The following CCT3 variants were observed in gnomAD, a reference collection of about 807,000 sequenced individuals.
The protein encoded by CCT3 is chaperonin containing TCP1 subunit 3.
A neutral mutation model predicts 65.3 loss-of-function variants in CCT3; 10 were observed. The observed-to-expected ratio is 0.15, with a 90% CI of 0.09 to 0.26. The LOEUF (loss-of-function observed/expected upper bound fraction) is 0.26. Among genes scored for constraint, CCT3 ranks in the 10% least tolerant of loss-of-function variants. The pLI is 1.00. For synonymous variants in CCT3, 225 were observed against 242.3 expected (o/e 0.93, Z 0.66); for missense variants, 626 against 708.7 (o/e 0.88, Z 1.33).
chr1:156,317,608 C>G (rs1482170835), intron 8 of CCT3, 61 bp from the exon 9 acceptor site: 6 of 1,514,276 alleles, frequency 4.0e-6, no homozygotes, highest in Non-Finnish European at 5.4e-6. Context: ...CTCTAAGGGT[C>G]ATATTATACT....
chr1:156,315,612 T>A (rs1391007539), intron 10 of CCT3, among the ~76,000 whole-genome samples: 1 of 152,200 alleles, frequency 6.6e-6, no homozygotes, highest in Non-Finnish European at 1.5e-5. Flanking sequence ...ATTGTGTTAT[T>A]GGTAAGGGTT....
chr1:156,311,530 A>G lies in CCT3; in HGVS notation c.1156-335T>C, dbSNP rs551610015. On this transcript the variant is annotated intron_variant, in intron 11 of 13. Transcript: ENST00000295688. ...AAATAAACAGCATGTATCTTGATAG[A>G]TAAGAGCCATAACCTATTCCACCCC... Among the ~76,000 whole-genome samples, 12 of 152,304 alleles carry G rather than the reference A, an allele frequency of 7.9e-5. No homozygotes were observed. The South Asian group carries it at 2.1e-3, about 26-fold the overall frequency.
intron 6 of CCT3, among the ~76,000 whole-genome samples, chr1:156,321,659 A>G (rs1358564417): frequency 2.0e-5 from 3 of 152,104 alleles, no homozygotes; most frequent in Non-Finnish European, 4.4e-5. Context: ...AGATCACTTG[A>G]GGTCAGGAGT....
chr1:156,325,172 C>A, intron 5 of CCT3, 83 bp from the exon 6 acceptor site: 1 of 996,230 alleles, frequency 1.0e-6, no homozygotes, highest in Non-Finnish European at 1.6e-6. Context: ...CCAAAAAATA[C>A]TCTCCTAAAT....
Position 156,309,324 on chromosome 1 carries a change from G to A in CCT3, c.1534-21C>T, listed in dbSNP as rs116591474. 1,014 of 1,513,528 alleles carry A rather than the reference G, an allele frequency of 6.7e-4. 5 individuals carry two copies. In the African/African-American group the frequency reaches 0.013, roughly 19 times the overall value. 93.8% of individuals were successfully genotyped at this position (1,513,528 alleles called of 1,614,324 possible). On this transcript the variant is annotated intron_variant, in intron 13 of 13. Transcript: ENST00000295688. Reference sequence around the variant, plus strand: ...GCCGTCTAGGAGAAAAACCACAGATGCAAAGAGGTCAGCAGAGAAGGAAAG... The same window carrying A: ...GCCGTCTAGGAGAAAAACCACAGATACAAAGAGGTCAGCAGAGAAGGAAAG...
In CCT3 at chr1:156,312,059, A is replaced by G. The variant is rs745575252; in HGVS notation, c.1137T>C (p.Ala379=). ...GACTCACCGAGAGAATCTCTTTGCT[A>G]GCCCCCCGGAGGAGAATGGTGCAGG... The part of the protein sequence containing the change: ...PKACTILLRG[A]SKEILSEVER... Residue 379 remains alanine, a synonymous_variant, in exon 11 of 14, where the codon GCT becomes GCC. Coordinates refer to ENST00000295688, the MANE Select transcript of CCT3 (RefSeq NM_005998.5). 2.2e-5 allele frequency: 35 copies of G among 1,611,114 alleles called. 1 individual carries two copies. The South Asian group carries it at 3.5e-4, about 16-fold the overall frequency.
chr1:156,317,570 T>G (rs1011536811), intron 8 of CCT3, 23 bp from the exon 9 acceptor site: 7 of 1,599,186 alleles, frequency 4.4e-6, no homozygotes, highest in Non-Finnish European at 5.1e-6. Flanking sequence ...GAAAAGACAC[T>G]GATTTTAAAA....
At chr1:156,316,757 C>T (rs1047857844) in intron 10 of CCT3, among the ~76,000 whole-genome samples, 1 of 152,172 alleles carries the variant, frequency 6.6e-6, no homozygotes, top group African/African-American at 2.4e-5. Context: ...AATCTAGAAT[C>T]GCATAAATCG....
intron 1 of CCT3, among the ~76,000 whole-genome samples, chr1:156,336,820 C>T (rs984076403): frequency 6.6e-6 from 1 of 152,130 alleles, no homozygotes; most frequent in Non-Finnish European, 1.5e-5. Flanking sequence ...ACCCACAATG[C>T]TTAGGATTTA....
chr1:156,324,794 A>AT (rs148501476), intron 6 of CCT3, among the ~76,000 whole-genome samples, 178 bp downstream of exon 6: 35,186 of 151,876 alleles, frequency 0.23, 4,747 homozygotes, highest in Non-Finnish European at 0.29. Flanking sequence ...TGCCCAACTA[A>AT]TTTTTTGTAT....
intron 8 of CCT3, 135 bp from the exon 9 acceptor site, chr1:156,317,682 C>T (rs1664365160): frequency 2.7e-6 from 2 of 740,838 alleles, no homozygotes; most frequent in Admixed American, 2.6e-5. Flanking sequence ...GACCTCAACA[C>T]CTCTGTAAGC....
Position 156,309,166 on chromosome 1 carries a change from G to C in CCT3, c.*33C>G. On this transcript the variant is annotated 3_prime_UTR_variant, in exon 14 of 14. Coordinates refer to ENST00000295688, the MANE Select transcript of CCT3 (RefSeq NM_005998.5). ...GCTCAGGAAAAGGGGAGACTCTGCT[G>C]GTTCTGTGCATTGAAGTAGCCTTGC... The C allele has an allele frequency of 7.3e-7, 1 of 1,371,484 alleles. No individual in the cohort carries two copies. The highest frequency in any genetic ancestry group is 2.3e-5 in the East Asian group (1 of 43,790). The allele number at this position is 1,371,484 out of a possible 1,614,324, so 85.0% of individuals were successfully genotyped here.
chr1:156,310,795 G>A, intron 12 of CCT3, 106 bp from the exon 13 acceptor site: 2 of 1,445,660 alleles, frequency 1.4e-6, no homozygotes, highest in East Asian at 2.3e-5. Context: ...AGGGAAAAAT[G>A]GCAATGACAG....
At position 156,317,206 on chromosome 1, in the gene CCT3, T is replaced by G; in HGVS notation, c.934A>C (p.Ile312Leu). The change falls in exon 10 of 14, where the codon ATC (isoleucine) becomes CTC (leucine). Residue 312 changes from isoleucine to leucine, a missense_variant. By Grantham distance (5) the Ile-to-Leu change is conservative. Transcript: ENST00000295688. Reference sequence around the variant, plus strand: ...TTGTCTGTCTTCCGGACTCTGCGGATGGCTGTGATATTGGCCCGCATAAGG... The same window carrying G: ...TTGTCTGTCTTCCGGACTCTGCGGAGGGCTGTGATATTGGCCCGCATAAGG... ...HYLMRANITA[I>L]RRVRKTDNNR... The G allele has an allele frequency of 6.2e-7, 1 of 1,614,238 alleles. No homozygotes were observed. Among genetic ancestry groups the G allele is most frequent in the Non-Finnish European group, 8.5e-7 (1 of 1,180,036 alleles).
intron 5 of CCT3, among the ~76,000 whole-genome samples, 155 bp from the exon 6 acceptor site, chr1:156,325,244 A>G (rs977515513): frequency 1.3e-5 from 2 of 152,246 alleles, no homozygotes; most frequent in African/African-American, 2.4e-5. Flanking sequence ...TACACATTGT[A>G]TAAGACGGCA....
chr1:156,338,113 G>A (rs1289723902), intron 1 of CCT3, 41 bp downstream of exon 1: 1 of 1,567,900 alleles, frequency 6.4e-7, no homozygotes, highest in East Asian at 2.3e-5. Flanking sequence ...GACAGAAGAG[G>A]GCGAAAAGGG....
At chr1:156,315,002 G>C (rs1664249545) in intron 10 of CCT3, among the ~76,000 whole-genome samples, 3 of 152,194 alleles carry the variant, frequency 2.0e-5, no homozygotes, top group South Asian at 4.1e-4. Context: ...GCAGAAGTCA[G>C]ACAAATCACG....
chr1:156,318,982 C>T lies in CCT3; in HGVS notation c.645G>A (p.Leu215=), dbSNP rs1448682587. 1 of 1,613,930 alleles carries T rather than the reference C, an allele frequency of 6.2e-7. No homozygotes were observed. Among genetic ancestry groups the T allele is most frequent in the Middle Eastern group, 1.7e-4 (1 of 6,060 alleles). The change falls in exon 8 of 14, where the codon TTG becomes TTA. Residue 215 remains leucine, a synonymous_variant. Coordinates refer to ENST00000295688, the MANE Select transcript of CCT3 (RefSeq NM_005998.5). ...PGGIIEDSCV[L]RGVMINKDVT... The stretch of plus-strand genomic sequence containing the variant: ...CATCCTTGTTAATCATGACTCCACG[C>T]AAGACACAGGAGTCTTCAATGATGC...
intron 5 of CCT3, among the ~76,000 whole-genome samples, chr1:156,330,386 G>T (rs1039105801): frequency 6.6e-6 from 1 of 152,194 alleles, no homozygotes; most frequent in African/African-American, 2.4e-5. Context: ...ATAGGGCCAG[G>T]CGCTATGGCT....
Sources: allele counts gnomAD v4.1 joint callset (sites outside exome capture counted in the v4.1 genomes callset), GRCh38; gene constraint gnomAD v4.1.1; transcripts MANE v1.5; gene names NCBI Gene and HGNC (gene_info 2026-07-23, HGNC 2026-07-21).